Variants in EGFL6 observed in about 807,000 individuals in gnomAD.
EGFL6 encodes the protein epidermal growth factor-like protein 6.
EGFL6 carries 42 observed loss-of-function variants against 43.1 expected under a neutral mutation model. The ratio of observed to expected loss-of-function variants is 0.98; its 90% CI spans 0.76 to 1.26. The LOEUF (loss-of-function observed/expected upper bound fraction) is 1.26, where lower values mean the gene tolerates loss of function less well. Ranked by LOEUF, EGFL6 falls within the 50% of genes most tolerant of loss-of-function variation. The probability of loss-of-function intolerance (pLI) is 0.00; values close to 1 mark genes in which losing one functional copy is unlikely to be tolerated. For missense variants in EGFL6, 429 were observed against 427.8 expected (o/e 1.00, Z -0.02); for synonymous variants, 164 against 163.2 (o/e 1.01, Z -0.04).
At chrX:13,596,024 A>G (rs761052583) in intron 3 of EGFL6, among the ~76,000 whole-genome samples, 1 of 111,699 alleles carries the variant, frequency 9.0e-6, no homozygotes, top group East Asian at 2.8e-4. Flanking sequence ...TGGCCTTGAT[A>G]TATCATAACA....
chrX:13,633,059 C>T lies in EGFL6; in HGVS notation c.1626C>T (p.Gly542=). The change falls in exon 12 of 12, where the codon GGC becomes GGT. Residue 542 remains glycine (G), a synonymous_variant. Transcript: ENST00000361306. The part of the protein sequence containing the change: ...IAVDGVLLVS[G]LCPDSLLSVD... Reference sequence around the variant, plus strand: ...TGGATGGCGTCTTGCTTGTTTCAGGCTTATGTCCAGATAGCCTTTTATCTG... The same window carrying T: ...TGGATGGCGTCTTGCTTGTTTCAGGTTTATGTCCAGATAGCCTTTTATCTG... 1 of 1,202,306 alleles carries T rather than the reference C, an allele frequency of 8.3e-7. No individual in the cohort carries two copies. Among genetic ancestry groups the T allele is most frequent in the Non-Finnish European group, 1.1e-6 (1 of 892,422 alleles).
At chrX:13,571,901 T>C (rs892944158) in intron 1 of EGFL6, among the ~76,000 whole-genome samples, 2 of 112,330 alleles carry the variant, frequency 1.8e-5, no homozygotes, top group Non-Finnish European at 3.8e-5. Flanking sequence ...CTGTGTCTAC[T>C]GGTTATTTCC....
rs1244104608 is a variant in EGFL6 at position 13,606,455 on chromosome X, C to A, written c.597C>A (p.Tyr199Ter). 3 of 1,209,881 alleles carry A rather than the reference C, an allele frequency of 2.5e-6. No individual in the cohort carries two copies. The highest frequency in any genetic ancestry group is 3.4e-6 in the Non-Finnish European group (3 of 893,683). The change falls in exon 6 of 12, where the codon TAC (tyrosine) becomes TAA (stop). Residue 199 changes from tyrosine (Y) to a stop codon, truncating the protein, a stop_gained. Coordinates refer to ENST00000361306, the MANE Select transcript of EGFL6 (RefSeq NM_015507.4). LOFTEE classifies it high-confidence loss of function. ...RRCVNTFGSY[Y>*]CKCHIGFELQ... ...GTGTGAACACATTTGGAAGCTACTA[C>A]TGCAAATGTCACATTGGTTTCGAAC...
At chrX:13,602,631 A>T (rs1458692324) in intron 4 of EGFL6, among the ~76,000 whole-genome samples, 3 of 111,645 alleles carry the variant, frequency 2.7e-5, no homozygotes, top group African/African-American at 9.8e-5. Flanking sequence ...TGCCTCTTTC[A>T]TGCCTGTCTC....
chrX:13,594,826 C>A lies in EGFL6; in HGVS notation c.188-10C>A. 5.0e-6 allele frequency: 6 copies of A among 1,202,504 alleles called. No individual in the cohort carries two copies. In the East Asian group the frequency reaches 1.8e-4, roughly 36 times the overall value. On this transcript the variant is annotated splice_polypyrimidine_tract_variant and intron_variant, in intron 2 of 11. Coordinates refer to ENST00000361306, the MANE Select transcript of EGFL6 (RefSeq NM_015507.4). ...TTCTTTTATCATCAAGACATCTTTTCCTTCCACAGCTACATGCGAACCTGG... is the reference window on the plus strand; with the variant it reads ...TTCTTTTATCATCAAGACATCTTTTACTTCCACAGCTACATGCGAACCTGG...
intron 1 of EGFL6, 101 bp downstream of exon 1, chrX:13,570,036 G>A (rs1007522461): frequency 1.3e-6 from 1 of 761,305 alleles, no homozygotes; most frequent in Non-Finnish European, 2.0e-6. Context: ...ATGGGTGTGA[G>A]TGTGCACGTG....
At chrX:13,596,464 G>T (rs1319749895) in intron 3 of EGFL6, 2 of 112,245 alleles carry the variant, frequency 1.8e-5, no homozygotes, top group Non-Finnish European at 3.8e-5. Context: ...CTCCAAACAA[G>T]CTCTCAAAAT....
chrX:13,606,687 A>G (rs888669735), intron 6 of EGFL6, among the ~76,000 whole-genome samples, 174 bp downstream of exon 6: 2 of 112,270 alleles, frequency 1.8e-5, no homozygotes, highest in African/African-American at 6.5e-5. Context: ...GGGAATTCCA[A>G]TGACATCAAT....
intron 7 of EGFL6, among the ~76,000 whole-genome samples, chrX:13,613,676 G>A (rs993383103): frequency 9.0e-6 from 1 of 111,652 alleles, no homozygotes; most frequent in African/African-American, 3.3e-5. Flanking sequence ...CAGAATAAGT[G>A]AGCGTCCATC....
chrX:13,581,148 T>G (rs1045576826), intron 1 of EGFL6, among the ~76,000 whole-genome samples: 2 of 111,857 alleles, frequency 1.8e-5, no homozygotes, highest in African/African-American at 6.5e-5. Context: ...ATGAGGGAAA[T>G]AGAGGAAGCA....
intron 7 of EGFL6, 129 bp downstream of exon 7, chrX:13,608,575 G>C: frequency 1.3e-6 from 1 of 796,062 alleles, no homozygotes; most frequent in Non-Finnish European, 1.8e-6. Flanking sequence ...CTCTCACTCT[G>C]TGTGTGTGTG....
intron 1 of EGFL6, 64 bp downstream of exon 1, chrX:13,569,999 C>G (rs890713233): frequency 2.9e-6 from 3 of 1,049,866 alleles, no homozygotes; most frequent in Non-Finnish European, 4.0e-6. Context: ...TTTGGGGCCC[C>G]ATGTCTTTGC....
At chrX:13,631,942 T>C (rs1246999273) in intron 11 of EGFL6, among the ~76,000 whole-genome samples, 2 of 111,988 alleles carry the variant, frequency 1.8e-5, no homozygotes, top group Admixed American at 9.5e-5. Flanking sequence ...TCCCCTGTCA[T>C]TTTGTGTCCA....
chrX:13,599,602 G>A (rs766453543), intron 3 of EGFL6, among the ~76,000 whole-genome samples: 149 of 108,015 alleles, frequency 1.4e-3, no homozygotes, highest in African/African-American at 4.8e-3. Context: ...GTTGGGAGGT[G>A]TTTGGATTAC....
At chrX:13,606,765 G>A (rs938278736) in intron 6 of EGFL6, among the ~76,000 whole-genome samples, 3 of 112,525 alleles carry the variant, frequency 2.7e-5, no homozygotes, top group African/African-American at 9.7e-5. Context: ...ATTATCTCAA[G>A]ATGATTCTGG....
At position 13,569,928 on chromosome X, in the gene EGFL6, G is replaced by A. The variant is rs573773218; in HGVS notation, c.67G>A (p.Ala23Thr). 1.0e-4 allele frequency: 124 copies of A among 1,210,018 alleles called. No homozygotes were observed. In the South Asian group the frequency reaches 2.0e-3, roughly 20 times the overall value. Residue 23 changes from alanine to threonine, a missense_variant, in exon 1 of 12, where the codon GCG (alanine) becomes ACG (threonine). By Grantham distance (58) the Ala-to-Thr change is moderately conservative. Coordinates refer to ENST00000361306, the MANE Select transcript of EGFL6 (RefSeq NM_015507.4). ...LSWVAGGFGN[A>T]ASARHHGLLA... The stretch of plus-strand genomic sequence containing the variant: ...CTGGGTGGCAGGTGGTTTCGGGAAC[G>A]CGGCCAGGTGAGTGTCTGACTGGCG...
At chrX:13,612,580 G>A (rs375452398) in intron 7 of EGFL6, among the ~76,000 whole-genome samples, 5 of 111,345 alleles carry the variant, frequency 4.5e-5, no homozygotes, top group East Asian at 2.9e-4. Flanking sequence ...CAGACGGGGT[G>A]GCGGCCGGGC....
chrX:13,587,860 C>A (rs1201435634), intron 1 of EGFL6, among the ~76,000 whole-genome samples: 3 of 111,902 alleles, frequency 2.7e-5, no homozygotes, highest in Non-Finnish European at 5.6e-5. Context: ...AGCAAATGCA[C>A]AATAAATGTT....
intron 11 of EGFL6, among the ~76,000 whole-genome samples, chrX:13,631,437 A>C (rs1288230569): frequency 1.8e-5 from 2 of 111,500 alleles, no homozygotes; most frequent in East Asian, 5.5e-4. Flanking sequence ...GTTTTATCTG[A>C]TTATAAAATT....
Sources: allele counts gnomAD v4.1 joint callset (sites outside exome capture counted in the v4.1 genomes callset), GRCh38; gene constraint gnomAD v4.1.1; transcripts MANE v1.5; gene names NCBI Gene and HGNC (gene_info 2026-07-23, HGNC 2026-07-21).